Variants in SPMIP2 observed in about 807,000 individuals in gnomAD.
The protein encoded by SPMIP2 is protein SPMIP2.
the SPMIP2 span, among the ~76,000 whole-genome samples, chr4:158,925,041 TA>T: frequency 6.6e-6 from 1 of 152,238 alleles, no homozygotes; most frequent in African/African-American, 2.4e-5. Flanking sequence ...TCTGCTTTGG[TA>T]ACAGAGTAAT....
At chr4:158,920,524 G>A in the SPMIP2 span, among the ~76,000 whole-genome samples, 2 of 152,130 alleles carry the variant, frequency 1.3e-5, no homozygotes, top group African/African-American at 4.8e-5. Context: ...GCCACTCTGT[G>A]AGTGTCTGTC....
At chr4:158,957,746 G>A in the SPMIP2 span, among the ~76,000 whole-genome samples, 3 of 152,114 alleles carry the variant, frequency 2.0e-5, no homozygotes, top group African/African-American at 7.2e-5. Flanking sequence ...GTCAACATCA[G>A]CTTAATAATC....
chr4:159,065,447 T>G, the SPMIP2 span, among the ~76,000 whole-genome samples: 69 of 151,986 alleles, frequency 4.5e-4, no homozygotes, highest in Non-Finnish European at 7.8e-4. Flanking sequence ...GCTGGGTGTG[T>G]TGGCTCACAC....
chr4:158,944,683 G>A, the SPMIP2 span, among the ~76,000 whole-genome samples: 71 of 152,170 alleles, frequency 4.7e-4, no homozygotes, highest in Non-Finnish European at 6.3e-4. Context: ...CTTCCATGCT[G>A]TGTCTGAGTT....
chr4:159,040,176 A>AT, the SPMIP2 span, among the ~76,000 whole-genome samples: 4 of 151,482 alleles, frequency 2.6e-5, no homozygotes, highest in African/African-American at 9.7e-5. Context: ...ATATGTATGT[A>AT]TTTTTTCTTT....
chr4:158,893,412 G>A, the SPMIP2 span: 1 of 319,524 alleles, frequency 3.1e-6, no homozygotes. Flanking sequence ...GAGAATGAAT[G>A]TAAAGCACTT....
At chr4:158,964,495 G>A in the SPMIP2 span, among the ~76,000 whole-genome samples, 3 of 152,080 alleles carry the variant, frequency 2.0e-5, no homozygotes, top group Admixed American at 2.0e-4. Context: ...CTAAATTTGT[G>A]GTAATTTGTT....
At chr4:158,964,113 C>T in the SPMIP2 span, among the ~76,000 whole-genome samples, 1 of 151,434 alleles carries the variant, frequency 6.6e-6, no homozygotes, top group African/African-American at 2.4e-5. Flanking sequence ...CGAGATTGAG[C>T]CACTGCACTC....
chr4:158,982,615 G>C, the SPMIP2 span, among the ~76,000 whole-genome samples: 1 of 152,154 alleles, frequency 6.6e-6, no homozygotes, highest in African/African-American at 2.4e-5. Context: ...ATCTGCTCCT[G>C]AATGACTACT....
the SPMIP2 span, among the ~76,000 whole-genome samples, chr4:159,068,103 G>C: frequency 6.6e-6 from 1 of 152,150 alleles, no homozygotes; most frequent in Non-Finnish European, 1.5e-5. Context: ...TCAGTGTGGC[G>C]ATTCCTCAGG....
chr4:158,948,100 G>T, the SPMIP2 span, among the ~76,000 whole-genome samples: 1 of 152,082 alleles, frequency 6.6e-6, no homozygotes, highest in Non-Finnish European at 1.5e-5. Flanking sequence ...TCCTTCTGGA[G>T]CCCCCACTTT....
chr4:158,909,145 A>AG, the SPMIP2 span, among the ~76,000 whole-genome samples: 1 of 152,212 alleles, frequency 6.6e-6, no homozygotes, highest in Non-Finnish European at 1.5e-5. Context: ...AGGTTAATAA[A>AG]GGGGGCATTA....
the SPMIP2 span, among the ~76,000 whole-genome samples, chr4:159,073,595 T>C: frequency 6.6e-6 from 1 of 152,106 alleles, no homozygotes; most frequent in African/African-American, 2.4e-5. Flanking sequence ...TAAGAAGAAA[T>C]GGAAGCTCTC....
chr4:158,989,276 A>C, the SPMIP2 span, among the ~76,000 whole-genome samples: 1 of 152,228 alleles, frequency 6.6e-6, no homozygotes, highest in Non-Finnish European at 1.5e-5. Context: ...CATGGATAAC[A>C]AGAATCAATA....
chr4:158,920,696 C>T, the SPMIP2 span, among the ~76,000 whole-genome samples: 1 of 152,236 alleles, frequency 6.6e-6, no homozygotes, highest in African/African-American at 2.4e-5. Flanking sequence ...CAAGACAATA[C>T]ATGCACCACT....
At chr4:158,927,680 C>G in the SPMIP2 span, among the ~76,000 whole-genome samples, 7 of 152,240 alleles carry the variant, frequency 4.6e-5, no homozygotes, top group Admixed American at 3.9e-4. Flanking sequence ...CCGGCTCCCT[C>G]AGCTTGCAGG....
At chr4:158,960,339 T>C in the SPMIP2 span, 2 of 1,555,844 alleles carry the variant, frequency 1.3e-6, no homozygotes, top group Non-Finnish European at 1.8e-6. Flanking sequence ...GACTTAGTTC[T>C]TCATACTGTA....
the SPMIP2 span, among the ~76,000 whole-genome samples, chr4:158,950,269 C>T: frequency 4.5e-4 from 69 of 152,312 alleles, no homozygotes; most frequent in Middle Eastern, 0.014. Flanking sequence ...TCAAGTCTTT[C>T]ATTTGCACAT....
chr4:159,049,466 A>G, the SPMIP2 span, among the ~76,000 whole-genome samples: 7 of 152,246 alleles, frequency 4.6e-5, no homozygotes, highest in Admixed American at 6.5e-5. Context: ...TCTTATTGAT[A>G]CATAATAGTA....
Sources: gnomAD v4.1 joint callset for allele counts (sites outside exome capture counted in the v4.1 genomes callset) on GRCh38, gnomAD v4.1.1 for gene constraint, MANE v1.5 for transcripts, NCBI Gene and HGNC (gene_info 2026-07-23, HGNC 2026-07-21) for gene names.